The following CDH18 variants were observed in gnomAD, a reference collection of about 807,000 sequenced individuals.
The protein encoded by CDH18 is cadherin 18.
CDH18 carries 31 observed loss-of-function variants against 67.9 expected under a neutral mutation model. The ratio of observed to expected loss-of-function variants is 0.46; its 90% CI spans 0.34 to 0.62. The LOEUF is 0.62. Among genes scored for constraint, CDH18 ranks in the 20% least tolerant of loss-of-function variants. The pLI is 0.01. For synonymous variants in CDH18, 362 were observed against 347.2 expected (o/e 1.04, Z -0.48); for missense variants, 890 against 975.5 (o/e 0.91, Z 1.17).
chr5:19,911,699 T>C (rs1221631024), intron 2 of CDH18, among the ~76,000 whole-genome samples: 2 of 151,792 alleles, frequency 1.3e-5, no homozygotes, highest in Non-Finnish European at 2.9e-5. Context: ...AGCATTTTCT[T>C]CTTGCTGTGA....
At chr5:19,500,570 T>C (rs1743067218) in intron 11 of CDH18, among the ~76,000 whole-genome samples, 1 of 152,178 alleles carries the variant, frequency 6.6e-6, no homozygotes, top group Admixed American at 6.6e-5. Context: ...AAATTATTTC[T>C]GTGTTATTTA....
At chr5:19,687,218 G>T (rs1302242388) in intron 5 of CDH18, among the ~76,000 whole-genome samples, 1 of 152,114 alleles carries the variant, frequency 6.6e-6, no homozygotes, top group Non-Finnish European at 1.5e-5. Flanking sequence ...TGATGGCATT[G>T]CTCCGGGAGG....
At position 19,868,024 on chromosome 5, in the gene CDH18, C is replaced by T. The variant is rs528315721; in HGVS notation, c.-256-28782G>A. 5.3e-5 allele frequency among the ~76,000 whole-genome samples: 8 copies of T among 152,244 alleles called. No homozygotes were observed. The South Asian group carries it at 8.3e-4, about 16-fold the overall frequency. On this transcript the variant is annotated intron_variant, in intron 2 of 12. Coordinates refer to ENST00000382275, the MANE Select transcript of CDH18 (RefSeq NM_004934.5). ...CTTCCTGCCATCACATGAAGAAGGA[C>T]GTGTTTGCTTCCCCCTCTGCCATGA...
intron 10 of CDH18, among the ~76,000 whole-genome samples, chr5:19,506,437 G>A (rs1744175316): frequency 6.6e-6 from 1 of 152,146 alleles, no homozygotes; most frequent in African/African-American, 2.4e-5. Context: ...CCAAAAAAGA[G>A]TCCACGTTTC....
At chr5:20,291,799 A>G (rs1375566865) in intron 1 of CDH18, among the ~76,000 whole-genome samples, 2 of 152,170 alleles carry the variant, frequency 1.3e-5, no homozygotes, top group Non-Finnish European at 2.9e-5. Context: ...AGTAGGTCCA[A>G]AGCAATTTTT....
intron 1 of CDH18, among the ~76,000 whole-genome samples, chr5:20,266,550 C>T (rs534189389): frequency 7.7e-4 from 114 of 147,396 alleles, no homozygotes; most frequent in Admixed American, 2.8e-3. Context: ...ATTACAGGCA[C>T]GTGCCGGCAC....
intron 1 of CDH18, among the ~76,000 whole-genome samples, chr5:20,562,807 G>T (rs17236885): frequency 0.14 from 20,749 of 151,736 alleles, 1,631 homozygotes; most frequent in African/African-American, 0.2. Flanking sequence ...GGAACAATTA[G>T]GTTTAAATCA....
intron 1 of CDH18, among the ~76,000 whole-genome samples, chr5:20,272,129 A>T (rs1745482658): frequency 6.6e-6 from 1 of 152,104 alleles, no homozygotes; most frequent in Non-Finnish European, 1.5e-5. Context: ...ATAAAGAGGA[A>T]AGCAAGTAGC....
intron 2 of CDH18, among the ~76,000 whole-genome samples, chr5:20,185,661 C>G (rs1270275109): frequency 6.6e-6 from 1 of 152,002 alleles, no homozygotes; most frequent in Non-Finnish European, 1.5e-5. Context: ...TCCTTAAGGT[C>G]TCTGCTTAAA....
In CDH18 at chr5:19,571,604, G is replaced by T. The variant is rs1323250080; in HGVS notation, c.1228C>A (p.Pro410Thr). The T allele has an allele frequency of 3.1e-6, 5 of 1,613,840 alleles. No individual in the cohort carries two copies. The highest frequency in any genetic ancestry group is 4.2e-6 in the Non-Finnish European group (5 of 1,179,930). The change falls in exon 8 of 13, where the codon CCT (proline) becomes ACT (threonine). Residue 410 changes from proline (P) to threonine (T), a missense_variant. By Grantham distance (38) the Pro-to-Thr change is conservative. Transcript: ENST00000382275. ...TVVGTVLAQDPDSTNSLVRYF... is the reference protein window; with the variant it reads ...TVVGTVLAQDTDSTNSLVRYF... ...CTTACTAAGCTGTTAGTACTGTCAG[G>T]ATCTTGTGCCAAAACTGTACCAACG...
chr5:20,126,804 TA>T (rs1440965905), intron 2 of CDH18, among the ~76,000 whole-genome samples: 2 of 151,880 alleles, frequency 1.3e-5, no homozygotes, highest in African/African-American at 4.8e-5. Flanking sequence ...TATCAAAAAC[TA>T]AAAAAAACAA....
intron 2 of CDH18, among the ~76,000 whole-genome samples, chr5:20,093,350 T>A (rs1359336214): frequency 5.3e-5 from 4 of 75,950 alleles, no homozygotes; most frequent in African/African-American, 1.2e-4. Context: ...TAACTCCTCC[T>A]GTATTCTTTT....
At chr5:20,503,081 G>T (rs1754431845) in intron 1 of CDH18, among the ~76,000 whole-genome samples, 1 of 151,870 alleles carries the variant, frequency 6.6e-6, no homozygotes, top group Non-Finnish European at 1.5e-5. Context: ...CAAATAGACA[G>T]GTTTTTTAAA....
At chr5:19,611,219 G>A (rs1332164651) in intron 6 of CDH18, among the ~76,000 whole-genome samples, 3 of 152,134 alleles carry the variant, frequency 2.0e-5, no homozygotes, top group Non-Finnish European at 4.4e-5. Flanking sequence ...AAAGTGCTGT[G>A]CAAGGGGATC....
chr5:19,629,606 C>T (rs548566666), intron 5 of CDH18, among the ~76,000 whole-genome samples: 2 of 152,132 alleles, frequency 1.3e-5, no homozygotes, highest in African/African-American at 4.8e-5. Flanking sequence ...GTCAATCTAT[C>T]TAATCTTAAT....
chr5:20,515,299 G>T (rs1206765902), intron 1 of CDH18, among the ~76,000 whole-genome samples: 1 of 144,030 alleles, frequency 6.9e-6, no homozygotes, highest in Non-Finnish European at 1.5e-5. Flanking sequence ...GAGAGAGAAA[G>T]AGAGTAATAA....
At chr5:20,244,353 G>A (rs1743212022) in intron 2 of CDH18, among the ~76,000 whole-genome samples, 1 of 152,056 alleles carries the variant, frequency 6.6e-6, no homozygotes, top group South Asian at 2.1e-4. Flanking sequence ...AATGAGTTCT[G>A]CAGGGAGATT....
rs536621587 is a variant in CDH18 at position 19,704,919 on chromosome 5, C to T, written c.643+16428G>A. Among the ~76,000 whole-genome samples, 4 of 152,140 alleles carry T rather than the reference C, an allele frequency of 2.6e-5. No homozygotes were observed. In the South Asian group the frequency reaches 8.3e-4, roughly 32 times the overall value. ...TCCTGTTATAAGCCCAAAAAATTGG[C>T]CTTTAATAGACATAGATTTAAAAGA... On this transcript the variant is annotated intron_variant, in intron 5 of 12. Coordinates refer to ENST00000382275, the MANE Select transcript of CDH18 (RefSeq NM_004934.5).
chr5:19,708,956 C>G (rs1561108837), intron 5 of CDH18, among the ~76,000 whole-genome samples: 2 of 152,028 alleles, frequency 1.3e-5, no homozygotes, highest in Non-Finnish European at 2.9e-5. Context: ...ATCAGCGAGA[C>G]AAGATGGTGC....
Sources: gnomAD v4.1 joint callset for allele counts (sites outside exome capture counted in the v4.1 genomes callset) on GRCh38, gnomAD v4.1.1 for gene constraint, MANE v1.5 for transcripts, NCBI Gene and HGNC (gene_info 2026-07-23, HGNC 2026-07-21) for gene names.